NKAIN2: variants seen among roughly 807,000 people sequenced by gnomAD.
The protein encoded by NKAIN2 is sodium/potassium transporting ATPase interacting 2.
NKAIN2 carries 14 observed loss-of-function variants against 32.6 expected under a neutral mutation model. The observed-to-expected ratio is 0.43, with a 90% CI of 0.28 to 0.67. The LOEUF (loss-of-function observed/expected upper bound fraction) is 0.67, where lower values mean the gene tolerates loss of function less well. Ranked by LOEUF, NKAIN2 falls within the 30% of genes least tolerant of loss-of-function variation. The probability of loss-of-function intolerance (pLI) is 0.17; values close to 1 mark genes in which losing one functional copy is unlikely to be tolerated. For missense variants in NKAIN2, 198 were observed against 258.3 expected (o/e 0.77, Z 1.60); for synonymous variants, 80 against 87.2 (o/e 0.92, Z 0.46).
chr6:124,290,546 G>A (rs1454906946), intron 2 of NKAIN2, among the ~76,000 whole-genome samples: 7 of 144,046 alleles, frequency 4.9e-5, no homozygotes, highest in Non-Finnish European at 1.1e-4. Context: ...GTGTGTGTGT[G>A]TGTGTGCGTC....
chr6:124,799,719 G>A (rs1051853327), intron 5 of NKAIN2, among the ~76,000 whole-genome samples: 1 of 152,208 alleles, frequency 6.6e-6, no homozygotes, highest in African/African-American at 2.4e-5. Context: ...TTATCCAGCA[G>A]ATGAAGAATA....
intron 1 of NKAIN2, among the ~76,000 whole-genome samples, chr6:124,072,638 T>C (rs559700320): frequency 6.6e-6 from 1 of 152,304 alleles, no homozygotes; most frequent in African/African-American, 2.4e-5. Flanking sequence ...CACTTTGCTC[T>C]CTACAACATT....
At chr6:124,395,792 T>G (rs1316221853) in intron 3 of NKAIN2, among the ~76,000 whole-genome samples, 1 of 152,200 alleles carries the variant, frequency 6.6e-6, no homozygotes. Flanking sequence ...AATAAATAGT[T>G]GCTGAAATTG....
chr6:124,091,842 C>A (rs566300842), intron 1 of NKAIN2, among the ~76,000 whole-genome samples: 1 of 152,072 alleles, frequency 6.6e-6, no homozygotes, highest in East Asian at 1.9e-4. Flanking sequence ...ATCTTCTGCA[C>A]ATTCATCCTC....
intron 3 of NKAIN2, among the ~76,000 whole-genome samples, chr6:124,424,004 T>C (rs1774869597): frequency 6.6e-6 from 1 of 152,202 alleles, no homozygotes; most frequent in African/African-American, 2.4e-5. Flanking sequence ...AACTTTTTTA[T>C]TTTTTTGAGA....
At chr6:123,898,002 A>AT (rs1340198814) in intron 1 of NKAIN2, among the ~76,000 whole-genome samples, 1 of 152,182 alleles carries the variant, frequency 6.6e-6, no homozygotes, top group African/African-American at 2.4e-5. Context: ...TTTATCAATG[A>AT]TTTTCAGAGA....
At chr6:124,169,100 C>G (rs1788715677) in intron 1 of NKAIN2, among the ~76,000 whole-genome samples, 1 of 151,988 alleles carries the variant, frequency 6.6e-6, no homozygotes. Context: ...TGTATATGTG[C>G]ACAGACACAT....
chr6:124,377,899 C>G (rs1800060215), intron 3 of NKAIN2, among the ~76,000 whole-genome samples: 1 of 152,118 alleles, frequency 6.6e-6, no homozygotes. Flanking sequence ...ACATGAGACT[C>G]CAGCCTCCTT....
intron 5 of NKAIN2, among the ~76,000 whole-genome samples, chr6:124,793,278 G>A (rs917261394): frequency 6.6e-6 from 1 of 152,150 alleles, no homozygotes; most frequent in African/African-American, 2.4e-5. Flanking sequence ...AGTTTGCACA[G>A]GTTGAGTTTG....
intron 1 of NKAIN2, among the ~76,000 whole-genome samples, chr6:123,863,986 A>G (rs1263284312): frequency 1.3e-5 from 2 of 152,236 alleles, no homozygotes; most frequent in Non-Finnish European, 2.9e-5. Flanking sequence ...TCTTTCAGCT[A>G]TAAAGATCAA....
chr6:124,801,193 T>C (rs1210275138), intron 5 of NKAIN2, among the ~76,000 whole-genome samples: 1 of 152,172 alleles, frequency 6.6e-6, no homozygotes, highest in Non-Finnish European at 1.5e-5. Context: ...GAAACTCACT[T>C]AGTAAAATCA....
intron 1 of NKAIN2, among the ~76,000 whole-genome samples, chr6:123,831,782 A>G (rs1774393808): frequency 6.6e-6 from 1 of 151,746 alleles, no homozygotes; most frequent in African/African-American, 2.4e-5. Context: ...CAGCCTCCCA[A>G]GTAGCTGGGA....
chr6:123,855,076 A>G (rs1775505072), intron 1 of NKAIN2, among the ~76,000 whole-genome samples: 1 of 152,258 alleles, frequency 6.6e-6, no homozygotes, highest in Non-Finnish European at 1.5e-5. Context: ...TAAATAAAAT[A>G]GCATACAAGA....
chr6:123,935,884 A>C (rs1776481986), intron 1 of NKAIN2, among the ~76,000 whole-genome samples: 1 of 152,090 alleles, frequency 6.6e-6, no homozygotes, highest in South Asian at 2.1e-4. Context: ...GTGAATAGCC[A>C]TACTTGCCAT....
At chr6:124,764,819 G>A (rs1035336036) in intron 4 of NKAIN2, among the ~76,000 whole-genome samples, 1 of 152,102 alleles carries the variant, frequency 6.6e-6, no homozygotes, top group Non-Finnish European at 1.5e-5. Flanking sequence ...AAATCAGGTT[G>A]AGAGGAGTAA....
intron 2 of NKAIN2, among the ~76,000 whole-genome samples, chr6:124,286,402 G>C (rs1398127293): frequency 6.6e-6 from 1 of 151,820 alleles, no homozygotes; most frequent in African/African-American, 2.4e-5. Context: ...ACAATTTTAA[G>C]GCTTTTACTA....
intron 1 of NKAIN2, among the ~76,000 whole-genome samples, chr6:124,270,337 C>T (rs959485327): frequency 6.6e-6 from 1 of 151,908 alleles, no homozygotes; most frequent in Admixed American, 6.6e-5. Context: ...TTATCAAGAC[C>T]CAAACAGAAA....
intron 4 of NKAIN2, among the ~76,000 whole-genome samples, chr6:124,729,974 A>T (rs1776571796): frequency 6.8e-6 from 1 of 146,738 alleles, no homozygotes; most frequent in Admixed American, 7.0e-5. Context: ...TTCAAAGAGA[A>T]TAAAATACCT....
chr6:124,592,656 T>A (rs1781951548), intron 3 of NKAIN2, among the ~76,000 whole-genome samples: 1 of 152,218 alleles, frequency 6.6e-6, no homozygotes, highest in South Asian at 2.1e-4. Flanking sequence ...AAGTATTTAT[T>A]CATCAACATT....
Sources: gnomAD v4.1 joint callset for allele counts (sites outside exome capture counted in the v4.1 genomes callset) on GRCh38, gnomAD v4.1.1 for gene constraint, MANE v1.5 for transcripts, NCBI Gene and HGNC (gene_info 2026-07-23, HGNC 2026-07-21) for gene names.